C5orf63: variants seen among roughly 807,000 people sequenced by gnomAD.
C5orf63 encodes glutaredoxin-like protein C5orf63.
C5orf63 carries 18 observed loss-of-function variants against 13.3 expected under a neutral mutation model. The ratio of observed to expected loss-of-function variants is 1.36; its 90% CI spans 0.94 to 2.01. The LOEUF is 2.01. Ranked by LOEUF, C5orf63 falls within the 30% of genes most tolerant of loss-of-function variation. C5orf63 has a pLI of 0.00. For missense variants in C5orf63, 118 were observed against 127.7 expected, an observed-to-expected ratio of 0.92 and a Z score of 0.36; for synonymous variants, 38 against 44.7, an observed-to-expected ratio of 0.85 and a Z score of 0.60.
intron 3 of C5orf63, among the ~76,000 whole-genome samples, chr5:127,054,135 T>C (rs1400483341): frequency 1.3e-5 from 2 of 152,206 alleles, no homozygotes; most frequent in Admixed American, 6.5e-5. Flanking sequence ...GCTTTTATAT[T>C]AAGAATTTTA....
At chr5:127,057,478 A>G (rs1350099070) in intron 3 of C5orf63, among the ~76,000 whole-genome samples, 1 of 152,238 alleles carries the variant, frequency 6.6e-6, no homozygotes, top group Non-Finnish European at 1.5e-5. Context: ...AGGGAGATAA[A>G]GCTGTTAAAT....
Position 127,051,800 on chromosome 5 carries a change from T to C in C5orf63, c.319A>G (p.Lys107Glu). Residue 107 changes from lysine to glutamate, a missense_variant, in exon 5 of 5, where the codon AAA (lysine) becomes GAA (glutamate). Coordinates refer to ENST00000296662, the MANE Select transcript of C5orf63 (RefSeq NM_001164478.2). ...CCTCCAGTACTTTGCTGCTCAAGTTTCAGGAGCTGTTTTTCAAGTTTTGAG... is the reference window on the plus strand; with the variant it reads ...CCTCCAGTACTTTGCTGCTCAAGTTCCAGGAGCTGTTTTTCAAGTTTTGAG... ...NTSKLEKQLL[K>E]LEQQSTGG is the part of the protein sequence containing the mutation. The C allele has an allele frequency of 6.5e-7, 1 of 1,529,196 alleles. No individual in the cohort carries two copies. Among genetic ancestry groups the C allele is most frequent in the Non-Finnish European group, 8.7e-7 (1 of 1,143,800 alleles). The allele number at this position is 1,529,196 out of a possible 1,614,324, so 94.7% of individuals were successfully genotyped here.
chr5:127,054,637 C>A (rs150796057), intron 3 of C5orf63, among the ~76,000 whole-genome samples: 3,117 of 152,190 alleles, frequency 0.02, 76 homozygotes, highest in South Asian at 0.12. Flanking sequence ...TGGATATTAG[C>A]CCTTTGTCAG....
rs1433004789 is a variant in C5orf63 at position 127,051,848 on chromosome 5, G to A, written c.271C>T (p.Leu91=). Reference sequence around the variant, plus strand: ...GAGGTGTTTACTCGATGCATCATCAGAAACTGGCCATTCAAGTGAAAGACA... The same window carrying A: ...GAGGTGTTTACTCGATGCATCATCAAAAACTGGCCATTCAAGTGAAAGACA... ...IPVFHLNGQF[L]MMHRVNTSKL... Residue 91 remains leucine, a synonymous_variant, in exon 5 of 5, where the codon CTG becomes TTG. Transcript: ENST00000296662. The A allele has an allele frequency of 1.3e-6, 2 of 1,536,152 alleles. No homozygotes were observed. The highest frequency in any genetic ancestry group is 1.2e-5 in the South Asian group (1 of 83,778).
At chr5:127,047,762 G>C (rs1347592296), downstream of C5orf63, 3 of 703,844 alleles carry the variant, frequency 4.3e-6, no homozygotes, top group South Asian at 4.4e-5. Flanking sequence ...ATTGTTTTTG[G>C]TGCATCTAAT....
rs138912427 is a variant in C5orf63, at chr5:127,053,537, A to G, written c.115-868T>C. The stretch of plus-strand genomic sequence containing the variant: ...CCATGTTGGTTTGCTGCACCCATCA[A>G]CTAGTCATTTACATTAGGTATTTCT... On this transcript the variant is annotated intron_variant, in intron 3 of 4. Transcript: ENST00000296662. Among the ~76,000 whole-genome samples the G allele has an allele frequency of 3.9e-5, 6 of 152,222 alleles. No individual in the cohort carries two copies. In the East Asian group the frequency reaches 1.2e-3, roughly 29 times the overall value.
chr5:127,051,483 C>G lies in C5orf63; in HGVS notation c.*288G>C, dbSNP rs1476382267. ...ATTGCCCAGTGACTGTGAAGTGCTT[C>G]TCTATTAATACAAAAAGGATAAATA... On this transcript the variant is annotated 3_prime_UTR_variant, in exon 5 of 5. Coordinates refer to ENST00000296662, the MANE Select transcript of C5orf63 (RefSeq NM_001164478.2). 1 of 1,233,622 alleles carries G rather than the reference C, an allele frequency of 8.1e-7. No homozygotes were observed. Among genetic ancestry groups the G allele is most frequent in the African/African-American group, 1.6e-5 (1 of 64,418 alleles). The allele number at this position is 1,233,622 out of a possible 1,614,324, so 76.4% of individuals were successfully genotyped here.
chr5:127,073,196 TAAAAA>T (rs113791040), intron 1 of C5orf63: 2 of 138,782 alleles, frequency 1.4e-5, no homozygotes, highest in African/African-American at 5.6e-5. Context: ...TGCTTTCTCT[TAAAAA>T]AAAAAAAAGC....
chr5:127,065,508 T>C (rs1754297591), intron 2 of C5orf63, among the ~76,000 whole-genome samples: 1 of 152,050 alleles, frequency 6.6e-6, no homozygotes, highest in African/African-American at 2.4e-5. Flanking sequence ...ACAAAGGTAA[T>C]GGAGGTAGGA....
chr5:127,062,920 T>C (rs1199302647), intron 2 of C5orf63, among the ~76,000 whole-genome samples: 1 of 152,182 alleles, frequency 6.6e-6, no homozygotes, highest in Non-Finnish European at 1.5e-5. Flanking sequence ...ATCCTTCATA[T>C]TTTGTTATAT....
intron 2 of C5orf63, among the ~76,000 whole-genome samples, chr5:127,067,133 T>G (rs1754361215): frequency 6.6e-6 from 1 of 152,178 alleles, no homozygotes; most frequent in East Asian, 1.9e-4. Flanking sequence ...TAAAAGGAGA[T>G]CTTTCTGGTG....
Position 127,052,445 on chromosome 5 carries a change from A to C in C5orf63, c.171+168T>G, listed in dbSNP as rs572336420. ...TGCTCAGAGGAAAACACTTAGGTGT[A>C]ATGAGTTTTATGGTAATAAGCACTA... On this transcript the variant is annotated intron_variant, in intron 4 of 4. Coordinates refer to ENST00000296662, the MANE Select transcript of C5orf63 (RefSeq NM_001164478.2). 1.1e-5 allele frequency: 5 copies of C among 460,986 alleles called. No homozygotes were observed. In the East Asian group the frequency reaches 1.7e-4, roughly 16 times the overall value. The allele number at this position is 460,986 out of a possible 1,614,324, so 28.6% of individuals were successfully genotyped here. A position where few individuals can be genotyped will look rare whatever the true frequency, so the allele number is the denominator to read the frequency against.
At chr5:127,055,122 C>A (rs144073688) in intron 3 of C5orf63, among the ~76,000 whole-genome samples, 2 of 152,142 alleles carry the variant, frequency 1.3e-5, no homozygotes, top group African/African-American at 4.8e-5. Context: ...CAGTACCATG[C>A]TGTTTTGGTT....
At chr5:127,069,523 AG>A (rs1754455856) in intron 2 of C5orf63, among the ~76,000 whole-genome samples, 1 of 152,256 alleles carries the variant, frequency 6.6e-6, no homozygotes. Flanking sequence ...CTTGTCAAAG[AG>A]ATAAAGTTAT....
rs962925094 is a variant in C5orf63, at chr5:127,051,987, T to G, written c.172-40A>C. The G allele has an allele frequency of 2.1e-6, 3 of 1,398,936 alleles. No individual in the cohort carries two copies. In the African/African-American group the frequency reaches 4.4e-5, roughly 20 times the overall value. 86.7% of individuals were successfully genotyped at this position (1,398,936 alleles called of 1,614,324 possible). A position where few individuals can be genotyped will look rare whatever the true frequency, so the allele number is the denominator to read the frequency against. Reference sequence around the variant, plus strand: ...GACTAAAGCTCTGTATTTTAGACCATGGGGTGATGTAACAACTGCAGTGAT... The same window carrying G: ...GACTAAAGCTCTGTATTTTAGACCAGGGGGTGATGTAACAACTGCAGTGAT... On this transcript the variant is annotated intron_variant, in intron 4 of 4. Coordinates refer to ENST00000296662, the MANE Select transcript of C5orf63 (RefSeq NM_001164478.2).
At chr5:127,073,039 T>C (rs953657854) in intron 1 of C5orf63, 6 of 152,200 alleles carry the variant, frequency 3.9e-5, no homozygotes, top group Non-Finnish European at 7.3e-5. Flanking sequence ...TCAAAAATAT[T>C]TATTTAAAAA....
At chr5:127,069,643 A>G (rs2126902929) in intron 2 of C5orf63, among the ~76,000 whole-genome samples, 1 of 152,344 alleles carries the variant, frequency 6.6e-6, no homozygotes, top group Admixed American at 6.5e-5. Context: ...TGGACTTGTG[A>G]TAACAGTAAG....
chr5:127,043,059 T>C (rs566006139), downstream of C5orf63: 7 of 152,364 alleles, frequency 4.6e-5, no homozygotes, highest in Non-Finnish European at 8.8e-5. Context: ...GTGTCCTTTA[T>C]TTCTCTTGAA....
At chr5:127,072,252 C>T (rs1754572702) in intron 1 of C5orf63, among the ~76,000 whole-genome samples, 2 of 152,210 alleles carry the variant, frequency 1.3e-5, no homozygotes, top group Admixed American at 1.3e-4. Context: ...CACACAGAAC[C>T]ATGATTAGTT....
Sources: allele counts gnomAD v4.1 joint callset (sites outside exome capture counted in the v4.1 genomes callset), GRCh38; gene constraint gnomAD v4.1.1; transcripts MANE v1.5; gene names NCBI Gene and HGNC (gene_info 2026-07-23, HGNC 2026-07-21).